The following PTPRD variants were observed in gnomAD, a reference collection of about 807,000 sequenced individuals.
PTPRD encodes the protein receptor-type tyrosine-protein phosphatase delta.
In PTPRD, 34 loss-of-function variants were observed where a neutral mutation model predicts 214.5. The ratio of observed to expected loss-of-function variants is 0.16; its 90% confidence interval spans 0.12 to 0.21. The LOEUF (loss-of-function observed/expected upper bound fraction) is 0.21, where lower values mean the gene tolerates loss of function less well. Ranked by LOEUF, PTPRD falls within the 10% of genes least tolerant of loss-of-function variation. The probability of loss-of-function intolerance (pLI) is 1.00; values close to 1 mark genes in which losing one functional copy is unlikely to be tolerated. For synonymous variants in PTPRD, 1,128 were observed against 845.7 expected, an observed-to-expected ratio of 1.33 and a Z score of -5.79; for missense variants, 2,545 against 2,398.7, an observed-to-expected ratio of 1.06 and a Z score of -1.27.
At chr9:9,198,465 T>G (rs2099939938) in intron 9 of PTPRD, among the ~76,000 whole-genome samples, 1 of 152,156 alleles carries the variant, frequency 6.6e-6, no homozygotes, top group Non-Finnish European at 1.5e-5. Flanking sequence ...TTCAAGCAAC[T>G]TTTAGAACTG....
intron 11 of PTPRD, among the ~76,000 whole-genome samples, chr9:8,949,859 G>A (rs929103191): frequency 6.6e-6 from 1 of 152,120 alleles, no homozygotes; most frequent in Non-Finnish European, 1.5e-5. Flanking sequence ...AGTTATGAAT[G>A]AAATGAAAAT....
chr9:8,614,978 C>T (rs1012922821), intron 14 of PTPRD, among the ~76,000 whole-genome samples: 34 of 152,164 alleles, frequency 2.2e-4, no homozygotes, highest in Admixed American at 1.2e-3. Context: ...GACTTCTTTG[C>T]TCCTTCTTTT....
At chr9:8,594,043 T>G (rs1257041446) in intron 14 of PTPRD, among the ~76,000 whole-genome samples, 3 of 152,318 alleles carry the variant, frequency 2.0e-5, no homozygotes, top group Admixed American at 6.5e-5. Flanking sequence ...CCAAGTTAAC[T>G]TCCTAATAGT....
intron 8 of PTPRD, among the ~76,000 whole-genome samples, chr9:9,545,537 A>T (rs894179758): frequency 2.6e-5 from 4 of 151,926 alleles, no homozygotes; most frequent in African/African-American, 9.7e-5. Context: ...TTTCTTTCAA[A>T]TGTGAACAAT....
chr9:9,160,028 C>T (rs976390707), intron 10 of PTPRD, among the ~76,000 whole-genome samples: 1 of 152,102 alleles, frequency 6.6e-6, no homozygotes, highest in Admixed American at 6.6e-5. Flanking sequence ...GTATCTTTAT[C>T]TCACATCATT....
rs1447017910 is a variant in PTPRD at position 8,733,946 on chromosome 9, C to T, written c.-103G>A. Reference sequence around the variant, plus strand: ...AATTTCAGCTGGAACACTTTCAGAGCCTGAAAGCGGGGAGGAAGAGAAAAG... The same window carrying T: ...AATTTCAGCTGGAACACTTTCAGAGTCTGAAAGCGGGGAGGAAGAGAAAAG... On this transcript the variant is annotated splice_region_variant and 5_prime_UTR_variant, in exon 12 of 46. Transcript: ENST00000381196. 6 of 1,164,848 alleles carry T rather than the reference C, an allele frequency of 5.2e-6. No individual in the cohort carries two copies. The highest frequency in any genetic ancestry group is 1.3e-5 in the South Asian group (1 of 75,166). The allele number at this position is 1,164,848 out of a possible 1,614,324, so 72.2% of individuals were successfully genotyped here.
At chr9:9,905,665 G>A (rs1456790994) in intron 5 of PTPRD, among the ~76,000 whole-genome samples, 2 of 151,906 alleles carry the variant, frequency 1.3e-5, no homozygotes, top group African/African-American at 4.8e-5. Flanking sequence ...AAGATATCAT[G>A]TAATTAAATT....
intron 3 of PTPRD, among the ~76,000 whole-genome samples, chr9:10,226,547 TC>T (rs1367829628): frequency 3.3e-5 from 5 of 151,984 alleles, no homozygotes; most frequent in African/African-American, 1.2e-4. Flanking sequence ...ATACTCCATT[TC>T]CCCAAAAGCT....
chr9:9,714,815 T>C (rs1320166891), intron 7 of PTPRD, among the ~76,000 whole-genome samples: 1 of 152,158 alleles, frequency 6.6e-6, no homozygotes, highest in Admixed American at 6.5e-5. Flanking sequence ...TTGAGAAATA[T>C]CATTTAGCAG....
intron 2 of PTPRD, among the ~76,000 whole-genome samples, chr9:10,389,185 G>C (rs2097999106): frequency 6.6e-6 from 1 of 151,786 alleles, no homozygotes; most frequent in Non-Finnish European, 1.5e-5. Context: ...CCCTATTAAA[G>C]AGAATGGTAA....
intron 2 of PTPRD, among the ~76,000 whole-genome samples, chr9:10,602,833 T>TATTATGAATGAGTCTCATTTCATC (rs1407529459): frequency 2.6e-5 from 4 of 151,780 alleles, no homozygotes; most frequent in Non-Finnish European, 4.4e-5. Flanking sequence ...CTCATTTCAT[T>TATTATGAATGAGTCTCATTTCATC]ATTATGTGGG....
At chr9:9,751,949 G>C (rs1029853199) in intron 6 of PTPRD, among the ~76,000 whole-genome samples, 1 of 152,112 alleles carries the variant, frequency 6.6e-6, no homozygotes, top group Non-Finnish European at 1.5e-5. Context: ...AATAGTAACA[G>C]TGGTGGGATA....
chr9:9,454,411 A>C (rs1332808), intron 8 of PTPRD, among the ~76,000 whole-genome samples: 23,324 of 151,628 alleles, frequency 0.15, 1,909 homozygotes, highest in Middle Eastern at 0.29. Context: ...TTTGTTATAA[A>C]ATGGCTATGG....
chr9:9,150,413 A>G (rs2099875679), intron 10 of PTPRD, among the ~76,000 whole-genome samples: 1 of 148,108 alleles, frequency 6.8e-6, no homozygotes, highest in Non-Finnish European at 1.5e-5. Flanking sequence ...GAAACTATAT[A>G]TAAAAATACA....
At chr9:8,378,390 A>G (rs905830483) in intron 37 of PTPRD, among the ~76,000 whole-genome samples, 3 of 152,060 alleles carry the variant, frequency 2.0e-5, no homozygotes, top group African/African-American at 7.2e-5. Context: ...TCTGAATAGA[A>G]CCAACACTAC....
At chr9:9,239,619 C>T (rs951837714) in intron 9 of PTPRD, among the ~76,000 whole-genome samples, 2 of 152,118 alleles carry the variant, frequency 1.3e-5, no homozygotes, top group South Asian at 2.1e-4. Context: ...ACACATCTTG[C>T]TGTGAGCTTA....
chr9:8,664,850 G>A (rs1030831262), intron 12 of PTPRD, among the ~76,000 whole-genome samples: 1 of 152,144 alleles, frequency 6.6e-6, no homozygotes. Flanking sequence ...TTTTATCACA[G>A]AAAGGTACAC....
intron 8 of PTPRD, among the ~76,000 whole-genome samples, chr9:9,544,449 T>G (rs1459266354): frequency 6.6e-6 from 1 of 151,556 alleles, no homozygotes; most frequent in Admixed American, 6.6e-5. Context: ...CTTTTTAAGG[T>G]TTAGATTTAA....
At chr9:9,709,358 A>G (rs912405820) in intron 7 of PTPRD, among the ~76,000 whole-genome samples, 3 of 152,022 alleles carry the variant, frequency 2.0e-5, no homozygotes, top group Non-Finnish European at 4.4e-5. Flanking sequence ...ATCTCTTAAA[A>G]CTGAAATGGC....
Sources: allele counts gnomAD v4.1 joint callset (sites outside exome capture counted in the v4.1 genomes callset), GRCh38; gene constraint gnomAD v4.1.1; transcripts MANE v1.5; gene names NCBI Gene and HGNC (gene_info 2026-07-23, HGNC 2026-07-21).